The following RASAL2 variants were observed in gnomAD, a reference collection of about 807,000 sequenced individuals.
RASAL2 encodes RAS protein activator like 2.
A neutral mutation model predicts 128.9 loss-of-function variants in RASAL2; 58 were observed. That is an observed-to-expected ratio of 0.45 (90% CI 0.36 to 0.56). The LOEUF is 0.56. Among genes scored for constraint, RASAL2 ranks in the 20% least tolerant of loss-of-function variants. RASAL2 has a pLI of 0.00. For missense variants in RASAL2, 1,360 were observed against 1,601.6 expected (o/e 0.85, Z 2.57); for synonymous variants, 561 against 580.8 (o/e 0.97, Z 0.49).
chr1:178,176,941 G>C (rs1190952746), intron 1 of RASAL2, among the ~76,000 whole-genome samples: 1 of 152,116 alleles, frequency 6.6e-6, no homozygotes, highest in Non-Finnish European at 1.5e-5. Context: ...TGAGCACCAT[G>C]CCTGGCTATC....
chr1:178,324,837 A>G (rs1668959974), intron 3 of RASAL2, among the ~76,000 whole-genome samples: 2 of 152,122 alleles, frequency 1.3e-5, no homozygotes, highest in Admixed American at 1.3e-4. Context: ...TGGAAAATCT[A>G]GTTTAATTTT....
chr1:178,241,175 C>A (rs1192733007), intron 1 of RASAL2, among the ~76,000 whole-genome samples: 1 of 152,002 alleles, frequency 6.6e-6, no homozygotes, highest in Non-Finnish European at 1.5e-5. Flanking sequence ...ATAATTACAA[C>A]TTAAATACCC....
At position 178,306,525 on chromosome 1, in the gene RASAL2, G is replaced by C. The variant is rs1029260563; in HGVS notation, c.457+6407G>C. Reference sequence around the variant, plus strand: ...TTACAGTCCCACCAATAGTGTAAAAGTGTTCCTATTTCTCCACATCCTCTC... The same window carrying C: ...TTACAGTCCCACCAATAGTGTAAAACTGTTCCTATTTCTCCACATCCTCTC... On this transcript the variant is annotated intron_variant, in intron 3 of 17. Transcript: ENST00000367649. 2.6e-5 allele frequency among the ~76,000 whole-genome samples: 4 copies of C among 152,062 alleles called. No homozygotes were observed. The South Asian group carries it at 6.2e-4, about 24-fold the overall frequency.
chr1:178,233,779 AGC>A (rs1664110328), intron 1 of RASAL2, among the ~76,000 whole-genome samples: 2 of 152,178 alleles, frequency 1.3e-5, no homozygotes, highest in Non-Finnish European at 2.9e-5. Flanking sequence ...GAGTCTGAGC[AGC>A]AGGGATATTT....
At chr1:178,343,659 T>C (rs1669995539) in intron 3 of RASAL2, among the ~76,000 whole-genome samples, 1 of 152,174 alleles carries the variant, frequency 6.6e-6, no homozygotes, top group Non-Finnish European at 1.5e-5. Flanking sequence ...TAAAAGAAAC[T>C]ATTTTATTAA....
At chr1:178,283,402 A>G (rs1039038082) in intron 1 of RASAL2, among the ~76,000 whole-genome samples, 162 bp from the exon 2 acceptor site, 3 of 152,144 alleles carry the variant, frequency 2.0e-5, no homozygotes, top group African/African-American at 7.2e-5. Flanking sequence ...TATTCTGTAT[A>G]TAATAGTTTT....
At chr1:178,459,980 A>G (rs1011152612) in intron 14 of RASAL2, among the ~76,000 whole-genome samples, 15 of 152,240 alleles carry the variant, frequency 9.9e-5, no homozygotes, top group Non-Finnish European at 1.9e-4. Context: ...TTAGAAGGCT[A>G]TCAGTCATTC....
intron 5 of RASAL2, among the ~76,000 whole-genome samples, chr1:178,429,610 A>G (rs1372913003): frequency 6.6e-6 from 1 of 152,104 alleles, no homozygotes. Context: ...TGCAATTTTC[A>G]TATCTCATTG....
intron 3 of RASAL2, among the ~76,000 whole-genome samples, chr1:178,313,518 T>A (rs868846699): frequency 2.0e-5 from 3 of 151,456 alleles, no homozygotes; most frequent in Admixed American, 6.6e-5. Context: ...TGAGACAGGG[T>A]CTCACTCTGT....
At chr1:178,312,037 ATT>A (rs1229575705) in intron 3 of RASAL2, among the ~76,000 whole-genome samples, 2 of 152,142 alleles carry the variant, frequency 1.3e-5, no homozygotes, top group Non-Finnish European at 2.9e-5. Context: ...GGAAAATGGA[ATT>A]GAGAAAATAG....
At chr1:178,468,729 A>G (rs1187274048) in intron 17 of RASAL2, among the ~76,000 whole-genome samples, 1 of 152,192 alleles carries the variant, frequency 6.6e-6, no homozygotes, top group African/African-American at 2.4e-5. Flanking sequence ...TTTGAAAGAA[A>G]TCTTTCTAGA....
At chr1:178,131,460 G>A (rs974147344) in intron 1 of RASAL2, among the ~76,000 whole-genome samples, 2 of 136,408 alleles carry the variant, frequency 1.5e-5, no homozygotes, top group Non-Finnish European at 3.0e-5. Flanking sequence ...GTCTCAAGCA[G>A]ACCTCCTGCC....
chr1:178,315,011 T>C (rs1668438544), intron 3 of RASAL2, among the ~76,000 whole-genome samples: 1 of 146,598 alleles, frequency 6.8e-6, no homozygotes, highest in African/African-American at 2.5e-5. Flanking sequence ...CATTGTTCAG[T>C]TCCCACCTGT....
chr1:178,097,916 A>G (rs1658750967), intron 1 of RASAL2, among the ~76,000 whole-genome samples: 1 of 152,166 alleles, frequency 6.6e-6, no homozygotes, highest in African/African-American at 2.4e-5. Flanking sequence ...TATTGCCATG[A>G]TTTGGAAAAC....
chr1:178,289,899 A>G (rs1439289505), intron 2 of RASAL2, among the ~76,000 whole-genome samples: 3 of 152,100 alleles, frequency 2.0e-5, no homozygotes, highest in Admixed American at 2.0e-4. Context: ...CTTTGCATGG[A>G]ACATTCTTCC....
Position 178,452,600 on chromosome 1 carries a change from C to G in RASAL2, c.1957C>G (p.Arg653Gly), listed in dbSNP as rs1263452382. 1 of 1,614,046 alleles carries G rather than the reference C, an allele frequency of 6.2e-7. No homozygotes were observed. Among genetic ancestry groups the G allele is most frequent in the African/African-American group, 1.3e-5 (1 of 75,028 alleles). Reference sequence around the variant, plus strand: ...GGAGTATCCTGATGACCGCACATCTCGGACTCTAACTCTTATTGCCAAGGT... The same window carrying G: ...GGAGTATCCTGATGACCGCACATCTGGGACTCTAACTCTTATTGCCAAGGT... ...MQEYPDDRTSRTLTLIAKVIQ... is the reference protein window; with the variant it reads ...MQEYPDDRTSGTLTLIAKVIQ... The change falls in exon 11 of 18, where the codon CGG becomes GGG. Residue 653 changes from arginine to glycine, a missense_variant. Physicochemically the swap from Arg to Gly is moderately radical, Grantham distance 125. Around this residue, in one of 3 missense-constraint regions of RASAL2, gnomAD observed 741 missense variants for 868.6 expected, o/e 0.85. Transcript: ENST00000367649.
chr1:178,118,419 G>T (rs920068444), intron 1 of RASAL2, among the ~76,000 whole-genome samples: 1 of 152,000 alleles, frequency 6.6e-6, no homozygotes, highest in Non-Finnish European at 1.5e-5. Context: ...GCTCGTTGTC[G>T]TGCAACTAGA....
chr1:178,209,697 C>G (rs982084044), intron 1 of RASAL2, among the ~76,000 whole-genome samples: 5 of 151,948 alleles, frequency 3.3e-5, no homozygotes, highest in Admixed American at 2.6e-4. Flanking sequence ...TTCTCTCTCT[C>G]TCATATGATA....
intron 3 of RASAL2, among the ~76,000 whole-genome samples, chr1:178,352,788 TCAG>T (rs1284565919): frequency 2.0e-5 from 3 of 152,244 alleles, no homozygotes; most frequent in Admixed American, 6.5e-5. Context: ...CTCCCAAGCC[TCAG>T]CTCTTGCACT....
Sources: gnomAD v4.1 joint callset for allele counts (sites outside exome capture counted in the v4.1 genomes callset) on GRCh38, gnomAD v4.1.1 for gene constraint, gnomAD v4.1.1 regional missense constraint, MANE v1.5 for transcripts, NCBI Gene and HGNC (gene_info 2026-07-23, HGNC 2026-07-21) for gene names.